The following ATAD2 variants were observed in gnomAD, a reference collection of about 807,000 sequenced individuals.
ATAD2 encodes the protein ATPase family AAA domain containing 2.
In ATAD2, 62 loss-of-function variants were observed where a neutral mutation model predicts 168.9. The ratio of observed to expected loss-of-function variants is 0.37; its 90% CI spans 0.30 to 0.45. The LOEUF is 0.45. ATAD2 is among the 20% of genes least tolerant of loss of function. ATAD2 has a pLI of 1.00. For synonymous variants in ATAD2, 613 were observed against 571.6 expected, an observed-to-expected ratio of 1.07 and a Z score of -1.03; for missense variants, 1,419 against 1,667.8, an observed-to-expected ratio of 0.85 and a Z score of 2.60.
intron 5 of ATAD2, 34 bp from the exon 6 acceptor site, chr8:123,371,024 G>T: frequency 1.4e-6 from 2 of 1,451,132 alleles, no homozygotes; most frequent in Non-Finnish European, 9.4e-7. Flanking sequence ...ATTAACATTT[G>T]GAATCTATTT....
intron 14 of ATAD2, among the ~76,000 whole-genome samples, chr8:123,348,763 TAA>T (rs374334583): frequency 2.6e-5 from 4 of 152,222 alleles, no homozygotes; most frequent in African/African-American, 7.2e-5. Context: ...TTAATGAACT[TAA>T]GTCTCATTAT....
At chr8:123,370,493 T>C (rs1829119946) in intron 6 of ATAD2, among the ~76,000 whole-genome samples, 3 of 152,150 alleles carry the variant, frequency 2.0e-5, no homozygotes, top group African/African-American at 7.2e-5. Context: ...AATCTACTTA[T>C]GATTATGGTA....
chr8:123,399,897 G>A (rs1364539328), upstream of ATAD2, among the ~76,000 whole-genome samples: 2 of 150,256 alleles, frequency 1.3e-5, no homozygotes, highest in Non-Finnish European at 3.0e-5. Context: ...CCAGGCATGT[G>A]TCACACCTGT....
Position 123,328,384 on chromosome 8 carries a change from T to C in ATAD2, c.3674A>G (p.Glu1225Gly). Residue 1225 changes from glutamate (E) to glycine (G), a missense_variant, in exon 25 of 28, where the codon GAA becomes GGA. By Grantham distance (98) the Glu-to-Gly change is moderately conservative. Coordinates refer to ENST00000287394, the MANE Select transcript of ATAD2 (RefSeq NM_014109.4). ...TGNTGESSVE[E>G]NEKQQNASES... The stretch of plus-strand genomic sequence containing the variant: ...AGAGGCATTTTGCTGTTTTTCATTT[T>C]CTTCCACCGAAGACTCTCCTGTGTT... 1 of 1,603,814 alleles carries C rather than the reference T, an allele frequency of 6.2e-7. No individual in the cohort carries two copies. Among genetic ancestry groups the C allele is most frequent in the Non-Finnish European group, 8.5e-7 (1 of 1,177,044 alleles).
intron 15 of ATAD2, 77 bp from the exon 16 acceptor site, chr8:123,347,483 G>T: frequency 7.5e-7 from 1 of 1,328,250 alleles, no homozygotes; most frequent in Non-Finnish European, 1.0e-6. Context: ...GCATGACCAT[G>T]GTTAAAAAAA....
chr8:123,352,809 A>T (rs111412317), intron 13 of ATAD2, among the ~76,000 whole-genome samples: 1,765 of 152,110 alleles, frequency 0.012, 41 homozygotes, highest in African/African-American at 0.041. Flanking sequence ...CATGCCTGTA[A>T]TCCCAGCACT....
intron 1 of ATAD2, chr8:123,401,990 C>T (rs1813009381): frequency 1.7e-6 from 2 of 1,202,462 alleles, no homozygotes; most frequent in Admixed American, 1.7e-5. Context: ...GGCCCGCAGC[C>T]TGTCTGTCCT....
At chr8:123,408,725 C>T (rs1018275618) in intron 1 of ATAD2, among the ~76,000 whole-genome samples, 1 of 152,218 alleles carries the variant, frequency 6.6e-6, no homozygotes, top group African/African-American at 2.4e-5. Context: ...CCATGTTGGC[C>T]AGGCTGGTCT....
At chr8:123,344,814 A>G (rs761105788) in intron 19 of ATAD2, 70 bp downstream of exon 19, 18 of 1,515,832 alleles carry the variant, frequency 1.2e-5, no homozygotes, top group Admixed American at 3.4e-5. Flanking sequence ...AATTTTTTCA[A>G]TAAGTTATGA....
chr8:123,414,571 C>A (rs1813211542), intron 1 of ATAD2, among the ~76,000 whole-genome samples: 1 of 151,658 alleles, frequency 6.6e-6, no homozygotes, highest in Non-Finnish European at 1.5e-5. Flanking sequence ...CTGTAGTGAG[C>A]TATGATTGCA....
chr8:123,344,710 A>G (rs1253611710), intron 19 of ATAD2, 174 bp downstream of exon 19: 3 of 684,752 alleles, frequency 4.4e-6, no homozygotes, highest in East Asian at 5.6e-5. Flanking sequence ...ACATATACAT[A>G]TACCATCTTG....
At chr8:123,414,989 G>C (rs551902597) in intron 1 of ATAD2, among the ~76,000 whole-genome samples, 1 of 152,060 alleles carries the variant, frequency 6.6e-6, no homozygotes, top group African/African-American at 2.4e-5. Context: ...TTGTATTTTT[G>C]TTGTATAGGT....
rs373069275 is a variant in ATAD2, at chr8:123,369,918, T to A, written c.834A>T (p.Glu278Asp). The change falls in exon 7 of 28, where the codon GAA becomes GAT. Residue 278 changes from glutamate (E) to aspartate (D), a missense_variant. Transcript: ENST00000287394. ...CTCCATCTTCTTCATCTTCATCATC[T>A]TCATCATCATCATCATCATCATCAT... is the stretch of plus-strand genomic sequence containing the variant. The part of the protein sequence containing the change: ...DDDDDDDDDD[E>D]DDEDEEDGEE... The A allele has an allele frequency of 1.1e-4, 176 of 1,567,994 alleles. 1 individual carries two copies. Among genetic ancestry groups the A allele is most frequent in the Middle Eastern group, 1.0e-3 (6 of 5,960 alleles).
chr8:123,344,237 G>C (rs1828156162), intron 19 of ATAD2, among the ~76,000 whole-genome samples: 1 of 151,674 alleles, frequency 6.6e-6, no homozygotes, highest in African/African-American at 2.4e-5. Context: ...AAACCATGCA[G>C]CTCTTAAAGA....
intron 18 of ATAD2, among the ~76,000 whole-genome samples, chr8:123,345,700 A>C (rs557112266): frequency 1.4e-4 from 21 of 152,194 alleles, no homozygotes; most frequent in African/African-American, 4.6e-4. Context: ...AAAACCAAAA[A>C]CAAACAAAAA....
intron 2 of ATAD2, among the ~76,000 whole-genome samples, chr8:123,375,709 C>T (rs866152412): frequency 1.1e-4 from 17 of 152,212 alleles, no homozygotes; most frequent in African/African-American, 3.9e-4. Context: ...CAGTGGCTCA[C>T]GCTGTAATTC....
chr8:123,325,601 A>G (rs1827591362), intron 26 of ATAD2, among the ~76,000 whole-genome samples: 1 of 151,824 alleles, frequency 6.6e-6, no homozygotes, highest in South Asian at 2.1e-4. Context: ...TTTTATTTTT[A>G]GTAAAGACAG....
At chr8:123,399,537 G>A (rs1453314930), upstream of ATAD2, among the ~76,000 whole-genome samples, 1 of 152,114 alleles carries the variant, frequency 6.6e-6, no homozygotes, top group Admixed American at 6.6e-5. Context: ...TGAAGGAAGA[G>A]GAGAGAAACA....
chr8:123,405,777 C>T (rs916131387), intron 1 of ATAD2, among the ~76,000 whole-genome samples: 3 of 152,148 alleles, frequency 2.0e-5, no homozygotes, highest in African/African-American at 4.8e-5. Context: ...GTGGACACAC[C>T]GTATTTTATT....
Sources: allele counts gnomAD v4.1 joint callset (sites outside exome capture counted in the v4.1 genomes callset), GRCh38; gene constraint gnomAD v4.1.1; transcripts MANE v1.5; gene names NCBI Gene and HGNC (gene_info 2026-07-23, HGNC 2026-07-21).